Variants in FANCI observed in about 807,000 individuals in gnomAD.
FANCI encodes FA complementation group I.
A neutral mutation model predicts 176.1 loss-of-function variants in FANCI; 156 were observed. The ratio of observed to expected loss-of-function variants is 0.89; its 90% CI spans 0.78 to 1.01. The LOEUF is 1.01. FANCI is among the 50% of genes least tolerant of loss of function. FANCI has a pLI of 0.00. For missense variants in FANCI, 1,678 were observed against 1,534.1 expected (o/e 1.09, Z -1.57); for synonymous variants, 613 against 541.7 (o/e 1.13, Z -1.83).
chr15:89,305,896 T>A, intron 31 of FANCI, 111 bp from the exon 32 acceptor site: 1 of 1,200,380 alleles, frequency 8.3e-7, no homozygotes, highest in Admixed American at 1.8e-5. Context: ...TATTGAATGT[T>A]CGTTTTTCCA....
At chr15:89,258,482 A>C (rs1362591765) in intron 2 of FANCI, among the ~76,000 whole-genome samples, 1 of 152,220 alleles carries the variant, frequency 6.6e-6, no homozygotes, top group Non-Finnish European at 1.5e-5. Context: ...GCTAAGTTAT[A>C]AACATAAATG....
At chr15:89,276,660 A>C (rs759605813) in intron 12 of FANCI, 51 bp from the exon 13 acceptor site, 2 of 1,600,284 alleles carry the variant, frequency 1.2e-6, no homozygotes, top group South Asian at 2.2e-5. Context: ...TATAAAGGTA[A>C]GAATATCTCA....
intron 27 of FANCI, 107 bp from the exon 28 acceptor site, chr15:89,303,757 G>A (rs1161489699): frequency 1.1e-6 from 1 of 888,722 alleles, no homozygotes; most frequent in East Asian, 2.4e-5. Flanking sequence ...ACATGTTTTG[G>A]CAGCTGATTT....
chr15:89,274,750 A>G (rs2053342740), intron 12 of FANCI, among the ~76,000 whole-genome samples: 1 of 151,508 alleles, frequency 6.6e-6, no homozygotes, highest in African/African-American at 2.4e-5. Context: ...TATTACAGGC[A>G]TGCTCCACCA....
At chr15:89,278,617 T>G in intron 13 of FANCI, 70 bp from the exon 14 acceptor site, 1 of 1,107,334 alleles carries the variant, frequency 9.0e-7, no homozygotes, top group Non-Finnish European at 1.4e-6. Context: ...TCATGCTGCC[T>G]GACATGCATT....
rs1596229387 is a variant in FANCI, at chr15:89,255,878, A to G, written c.85-2826A>G. ...AGAAGGGGAGTAGAGGACAGAGTCAATAGAAGAAAATTAACATTCGTTGAG... is the reference window on the plus strand; with the variant it reads ...AGAAGGGGAGTAGAGGACAGAGTCAGTAGAAGAAAATTAACATTCGTTGAG... On this transcript the variant is annotated intron_variant, in intron 2 of 37. Coordinates refer to ENST00000310775, the MANE Select transcript of FANCI (RefSeq NM_001113378.2). Among the ~76,000 whole-genome samples the G allele has an allele frequency of 2.6e-5, 4 of 152,368 alleles. 1 individual carries two copies. Among genetic ancestry groups the G allele is most frequent in the Admixed American group, 2.6e-4 (4 of 15,310 alleles).
intron 25 of FANCI, 92 bp from the exon 26 acceptor site, chr15:89,300,208 C>A: frequency 7.7e-7 from 1 of 1,291,018 alleles, no homozygotes; most frequent in Admixed American, 2.0e-5. Flanking sequence ...TGCCTTTAGA[C>A]TTTTTTTTGG....
chr15:89,255,788 G>A (rs967660076), intron 2 of FANCI, among the ~76,000 whole-genome samples: 6 of 152,198 alleles, frequency 3.9e-5, no homozygotes, highest in Admixed American at 2.6e-4. Flanking sequence ...GTTTTAAAAT[G>A]TAGTAAAAAG....
chr15:89,272,191 A>G (rs528855490), intron 10 of FANCI, among the ~76,000 whole-genome samples: 2 of 152,280 alleles, frequency 1.3e-5, no homozygotes, highest in South Asian at 2.1e-4. Context: ...CATTTTCTTA[A>G]TGACTGATGA....
In FANCI at chr15:89,260,597, A is replaced by G. The variant is rs2052672558; in HGVS notation, c.158-116A>G. The G allele has an allele frequency of 3.0e-6, 4 of 1,336,620 alleles. No homozygotes were observed. In the African/African-American group the frequency reaches 5.8e-5, roughly 19 times the overall value. The allele number at this position is 1,336,620 out of a possible 1,614,324, so 82.8% of individuals were successfully genotyped here. On this transcript the variant is annotated intron_variant, in intron 3 of 37. Coordinates refer to ENST00000310775, the MANE Select transcript of FANCI (RefSeq NM_001113378.2). ...CCATTGCTGTTCTAAGCACCGTAGT[A>G]ATCAGTCGTTTGATAATTCTGTTTT...
chr15:89,263,160 A>C (rs993682709), intron 6 of FANCI, among the ~76,000 whole-genome samples: 6 of 152,234 alleles, frequency 3.9e-5, no homozygotes, highest in Non-Finnish European at 5.9e-5. Flanking sequence ...AGCTTGTCAT[A>C]CATTCCCTAA....
intron 8 of FANCI, 68 bp downstream of exon 8, chr15:89,264,094 A>G (rs1252658870): frequency 2.7e-5 from 43 of 1,577,828 alleles, no homozygotes; most frequent in Non-Finnish European, 3.7e-5. Flanking sequence ...CAACTTATTC[A>G]TACCCTTGGT....
chr15:89,316,804 T>C lies in FANCI; in HGVS notation c.*345T>C, dbSNP rs148786642. The C allele has an allele frequency of 4.3e-5, 70 of 1,613,792 alleles. No homozygotes were observed. Among genetic ancestry groups the C allele is most frequent in the Admixed American group, 1.2e-4 (7 of 60,004 alleles). ...AAGGAGCCTTTGGTGAGTTCAATTA[T>C]CTGGTAAATATCCAGCGCTTCACCT... On this transcript the variant is annotated 3_prime_UTR_variant, in exon 38 of 38. Transcript: ENST00000310775.
chr15:89,312,835 A>C (rs2055022456), intron 34 of FANCI, 69 bp from the exon 35 acceptor site: 1 of 1,158,782 alleles, frequency 8.6e-7, no homozygotes, highest in South Asian at 1.4e-5. Flanking sequence ...AAAAAAAAAA[A>C]TTAGCACTAG....
intron 24 of FANCI, 71 bp from the exon 25 acceptor site, chr15:89,299,729 G>T: frequency 6.6e-7 from 1 of 1,513,332 alleles, no homozygotes. Context: ...TACAGGGTAA[G>T]AATTTTACTG....
intron 22 of FANCI, 94 bp downstream of exon 22, chr15:89,293,157 C>T: frequency 7.4e-7 from 1 of 1,345,850 alleles, no homozygotes; most frequent in South Asian, 1.2e-5. Flanking sequence ...AGTAAACAGA[C>T]CACAGACGAT....
intron 18 of FANCI, among the ~76,000 whole-genome samples, chr15:89,289,157 G>A (rs997472209): frequency 1.3e-5 from 2 of 151,834 alleles, no homozygotes; most frequent in African/African-American, 2.4e-5. Context: ...ATGTATCTCT[G>A]TATGCCATTT....
At position 89,261,625 on chromosome 15, in the gene FANCI, A is replaced by C; in HGVS notation, c.329A>C (p.Asn110Thr). The change falls in exon 5 of 38, where the codon AAT becomes ACT. Residue 110 changes from asparagine to threonine, a missense_variant. Asn to Thr is a moderately conservative substitution (Grantham distance 65). This residue lies in a region of FANCI where 469 missense variants were observed against 436.9 expected (regional missense o/e 1.07). Coordinates refer to ENST00000310775, the MANE Select transcript of FANCI (RefSeq NM_001113378.2). ...GGACCATTATTGGTTGAATTAGCCA[A>C]TGAGTTTATTAGTGCTGTCAGAGAA... Reference protein sequence around the residue: ...FPGPLLVELANEFISAVREGS... With the variant: ...FPGPLLVELATEFISAVREGS... 2 of 1,614,170 alleles carry C rather than the reference A, an allele frequency of 1.2e-6. No individual in the cohort carries two copies.
At chr15:89,247,565 G>A (rs937762549) in intron 1 of FANCI, 64 bp from the exon 2 acceptor site, 1 of 1,170,424 alleles carries the variant, frequency 8.5e-7, no homozygotes, top group South Asian at 1.2e-5. Context: ...AACAGGGAAG[G>A]AAAACAAATC....
Sources: allele counts gnomAD v4.1 joint callset (sites outside exome capture counted in the v4.1 genomes callset), GRCh38; gene constraint gnomAD v4.1.1; regional missense constraint gnomAD v4.1.1; transcripts MANE v1.5; gene names NCBI Gene and HGNC (gene_info 2026-07-23, HGNC 2026-07-21).